Variants in MAP2K4 observed in about 807,000 individuals in gnomAD.
The protein encoded by MAP2K4 is mitogen-activated protein kinase kinase 4, also known as dual specificity mitogen-activated protein kinase kinase 4.
MAP2K4 carries 4 observed loss-of-function variants against 48.5 expected under a neutral mutation model. The observed-to-expected ratio is 0.08, with a 90% CI of 0.04 to 0.19. The LOEUF (loss-of-function observed/expected upper bound fraction) is 0.19, where lower values mean the gene tolerates loss of function less well. Among genes scored for constraint, MAP2K4 ranks in the 10% least tolerant of loss-of-function variants. The pLI is 1.00. For missense variants in MAP2K4, 258 were observed against 493.3 expected (o/e 0.52, Z 4.52); for synonymous variants, 166 against 173.1 (o/e 0.96, Z 0.32).
At position 12,059,436 on chromosome 17, in the gene MAP2K4, C is replaced by T. The variant is rs550898272; in HGVS notation, c.218+4445C>T. 1.1e-3 allele frequency among the ~76,000 whole-genome samples: 162 copies of T among 152,300 alleles called. 1 individual carries two copies. Among genetic ancestry groups the T allele is most frequent in the African/African-American group, 3.8e-3 (159 of 41,560 alleles). On this transcript the variant is annotated intron_variant, in intron 2 of 10. Coordinates refer to ENST00000353533, the MANE Select transcript of MAP2K4 (RefSeq NM_003010.4). Reference sequence around the variant, plus strand: ...TGATAGTGAGTTATGGTTGAGTGCTCTCAGTGTACTGAGTCGTTTAGAATA... The same window carrying T: ...TGATAGTGAGTTATGGTTGAGTGCTTTCAGTGTACTGAGTCGTTTAGAATA...
chr17:12,140,568 G>A (rs1351968267), intron 10 of MAP2K4, among the ~76,000 whole-genome samples: 2 of 152,108 alleles, frequency 1.3e-5, no homozygotes, highest in Non-Finnish European at 2.9e-5. Context: ...GCAGATACTG[G>A]GACCCTGGCT....
chr17:12,106,932 T>G (rs1325051134), intron 4 of MAP2K4, among the ~76,000 whole-genome samples: 1 of 152,112 alleles, frequency 6.6e-6, no homozygotes, highest in Admixed American at 6.6e-5. Flanking sequence ...GGTTTCTAGT[T>G]TTGTTTTGTT....
intron 2 of MAP2K4, among the ~76,000 whole-genome samples, chr17:12,065,411 G>T (rs1427535405): frequency 2.0e-5 from 3 of 151,168 alleles, no homozygotes; most frequent in African/African-American, 7.3e-5. Context: ...TGATTCTCCT[G>T]CCTCAGCCTC....
intron 7 of MAP2K4, among the ~76,000 whole-genome samples, chr17:12,114,137 T>G (rs920626671): frequency 1.3e-5 from 2 of 152,180 alleles, no homozygotes; most frequent in African/African-American, 4.8e-5. Flanking sequence ...TGTTTTAAAC[T>G]AAAGATAAGC....
chr17:12,067,561 C>T (rs1970657174), intron 2 of MAP2K4, among the ~76,000 whole-genome samples: 1 of 152,112 alleles, frequency 6.6e-6, no homozygotes. Flanking sequence ...GAACCTTTTT[C>T]CTGACTGAGG....
At chr17:12,093,307 C>G (rs1304553809) in intron 3 of MAP2K4, among the ~76,000 whole-genome samples, 2 of 152,188 alleles carry the variant, frequency 1.3e-5, no homozygotes, top group Non-Finnish European at 2.9e-5. Context: ...TAGGAACTCT[C>G]TACATTCTGA....
chr17:12,078,263 A>C (rs1334036752), intron 2 of MAP2K4, among the ~76,000 whole-genome samples: 2 of 152,188 alleles, frequency 1.3e-5, no homozygotes, highest in Non-Finnish European at 2.9e-5. Flanking sequence ...CAGGTTGGTA[A>C]TGAGAACCTT....
chr17:12,117,764 G>T (rs1276001648), intron 7 of MAP2K4, among the ~76,000 whole-genome samples: 6 of 152,160 alleles, frequency 3.9e-5, no homozygotes, highest in Non-Finnish European at 8.8e-5. Flanking sequence ...AGAGAAACTG[G>T]ACAATGGTGT....
At chr17:12,104,557 C>G (rs920937806) in intron 4 of MAP2K4, among the ~76,000 whole-genome samples, 1 of 151,584 alleles carries the variant, frequency 6.6e-6, no homozygotes, top group Non-Finnish European at 1.5e-5. Context: ...TGTATTTAGG[C>G]TTTTTTTAAA....
intron 2 of MAP2K4, among the ~76,000 whole-genome samples, chr17:12,062,369 T>G (rs1212229865): frequency 6.6e-6 from 1 of 152,214 alleles, no homozygotes; most frequent in African/African-American, 2.4e-5. Flanking sequence ...AGGATCTTGC[T>G]CTGTTGCCCT....
rs57798890 is a variant in MAP2K4 at position 12,098,505 on chromosome 17, G to GTA, written c.513+2825_513+2826dup. On this transcript the variant is annotated intron_variant, in intron 4 of 10. Transcript: ENST00000353533. ...AAAAAAAAAAAAAGTATGTGTGTAT[G>GTA]TATATATATATATATTTTCATATAT... 7.9e-3 allele frequency among the ~76,000 whole-genome samples: 1,187 copies of GTA among 149,316 alleles called. 17 individuals carry two copies. Among genetic ancestry groups the GTA allele is most frequent in the African/African-American group, 0.025 (1,005 of 40,766 alleles).
At chr17:12,097,497 G>A (rs776914499) in intron 4 of MAP2K4, among the ~76,000 whole-genome samples, 1 of 152,228 alleles carries the variant, frequency 6.6e-6, no homozygotes, top group Non-Finnish European at 1.5e-5. Context: ...TGGAAACAAA[G>A]CACGGAAGCT....
At chr17:12,107,994 T>G in intron 5 of MAP2K4, 85 bp downstream of exon 5, 1 of 1,177,912 alleles carries the variant, frequency 8.5e-7, no homozygotes, top group Non-Finnish European at 1.2e-6. Flanking sequence ...TATTTGAGTG[T>G]CACTCACAGT....
In MAP2K4 at chr17:12,141,650, G is replaced by A. The variant is rs1973381146; in HGVS notation, c.*390G>A. On this transcript the variant is annotated 3_prime_UTR_variant, in exon 11 of 11. Transcript: ENST00000353533. ...CCAAATCCTGGAAGGACACAGTGAT[G>A]AATGTACTATGTCTGAACATAGAAA... 3.5e-6 allele frequency: 1 copy of A among 286,820 alleles called. No homozygotes were observed. Among genetic ancestry groups the A allele is most frequent in the Admixed American group, 4.8e-5 (1 of 20,866 alleles). The allele number at this position is 286,820 out of a possible 1,614,324, so 17.8% of individuals were successfully genotyped here.
rs1972048576 is a variant in MAP2K4, at chr17:12,104,693, A to T, written c.514-3097A>T. Among the ~76,000 whole-genome samples the T allele has an allele frequency of 1.3e-5, 2 of 151,766 alleles. 1 individual carries two copies. Among genetic ancestry groups the T allele is most frequent in the South Asian group, 4.2e-4 (2 of 4,806 alleles). ...ATCCAAATAGATGTTTTTGTCTCTTATTTTTAAACTTTTGGTATGTTGTCC... is the reference window on the plus strand; with the variant it reads ...ATCCAAATAGATGTTTTTGTCTCTTTTTTTTAAACTTTTGGTATGTTGTCC... On this transcript the variant is annotated intron_variant, in intron 4 of 10. Transcript: ENST00000353533.
At chr17:12,073,795 C>T (rs1429417674) in intron 2 of MAP2K4, among the ~76,000 whole-genome samples, 2 of 136,622 alleles carry the variant, frequency 1.5e-5, no homozygotes, top group African/African-American at 2.7e-5. Flanking sequence ...TTTTCTGAGA[C>T]GGAGTCTCGT....
chr17:12,133,048 G>A (rs941232055), intron 9 of MAP2K4, among the ~76,000 whole-genome samples: 2 of 152,080 alleles, frequency 1.3e-5, no homozygotes, highest in African/African-American at 4.8e-5. Context: ...AGATAATAGG[G>A]AAGTCTGATT....
intron 4 of MAP2K4, among the ~76,000 whole-genome samples, 163 bp downstream of exon 4, chr17:12,095,857 T>C (rs1226825350): frequency 2.6e-5 from 4 of 151,730 alleles, no homozygotes; most frequent in African/African-American, 9.7e-5. Flanking sequence ...TTCTGACTCT[T>C]TTTGCGGTGG....
chr17:12,050,266 C>A (rs1597413092), intron 1 of MAP2K4, among the ~76,000 whole-genome samples: 2 of 152,140 alleles, frequency 1.3e-5, no homozygotes. Context: ...ACTAATAATT[C>A]TAATTTAATA....
Sources: allele counts gnomAD v4.1 joint callset (sites outside exome capture counted in the v4.1 genomes callset), GRCh38; gene constraint gnomAD v4.1.1; transcripts MANE v1.5; gene names NCBI Gene and HGNC (gene_info 2026-07-23, HGNC 2026-07-21).